GNA13: variants seen among roughly 807,000 people sequenced by gnomAD.
The protein encoded by GNA13 is guanine nucleotide-binding protein subunit alpha-13.
A neutral mutation model predicts 33.5 loss-of-function variants in GNA13; 4 were observed. That is an observed-to-expected ratio of 0.12 (90% CI 0.06 to 0.27). GNA13 has a LOEUF of 0.27. Among genes scored for constraint, GNA13 ranks in the 10% least tolerant of loss-of-function variants. The pLI is 1.00. For synonymous variants in GNA13, 176 were observed against 183.8 expected (o/e 0.96, Z 0.34); for missense variants, 319 against 487.2 (o/e 0.65, Z 3.25).
chr17:65,015,809 A>G (rs1483968371), intron 3 of GNA13, among the ~76,000 whole-genome samples: 1 of 151,960 alleles, frequency 6.6e-6, no homozygotes, highest in Non-Finnish European at 1.5e-5. Context: ...ATGACTTAAA[A>G]CTTCTATGTT....
At chr17:65,038,770 T>C (rs1907354564) in intron 2 of GNA13, among the ~76,000 whole-genome samples, 1 of 152,216 alleles carries the variant, frequency 6.6e-6, no homozygotes, top group Non-Finnish European at 1.5e-5. Flanking sequence ...CATCACAGCT[T>C]AGCCTAGCCT....
chr17:65,052,740 C>T (rs985831211), intron 2 of GNA13, among the ~76,000 whole-genome samples: 12 of 152,142 alleles, frequency 7.9e-5, no homozygotes, highest in Non-Finnish European at 1.0e-4. Flanking sequence ...TGGGTAGTCT[C>T]GTTAAAGAAA....
In GNA13 at chr17:65,022,401, TA is replaced by T. The variant is rs569105482; in HGVS notation, c.511-4099del. The stretch of plus-strand genomic sequence containing the variant: ...CACCAGTATTGCCACACCATGACAT[TA>T]AAAAAAAAAAAAAGGGAGTAAATAC... On this transcript the variant is annotated intron_variant, in intron 2 of 3. Coordinates refer to ENST00000439174, the MANE Select transcript of GNA13 (RefSeq NM_006572.6). Among the ~76,000 whole-genome samples the T allele has an allele frequency of 9.0e-3, 1,186 of 131,292 alleles. 3 individuals carry two copies. Among genetic ancestry groups the T allele is most frequent in the South Asian group, 0.033 (141 of 4,210 alleles). The allele number at this position is 131,292 out of a possible 152,430, so 86.1% of individuals were successfully genotyped here.
chr17:65,032,721 G>T (rs74966116), intron 2 of GNA13, among the ~76,000 whole-genome samples: 3,008 of 152,154 alleles, frequency 0.02, 94 homozygotes, highest in African/African-American at 0.069. Context: ...ATTTTGCTTG[G>T]TTGTCACACG....
chr17:65,050,764 A>G (rs1907832734), intron 2 of GNA13, among the ~76,000 whole-genome samples: 1 of 152,150 alleles, frequency 6.6e-6, no homozygotes, highest in Non-Finnish European at 1.5e-5. Flanking sequence ...AACAATGCTG[A>G]GCGTAGACTC....
intron 2 of GNA13, 142 bp downstream of exon 2, chr17:65,053,360 C>T: frequency 4.7e-6 from 3 of 633,962 alleles, no homozygotes; most frequent in East Asian, 5.3e-5. Context: ...TAGGTCTGTG[C>T]CTTAGCCTTT....
rs2143765559 is a variant in GNA13 at position 65,014,336 on chromosome 17, G to A, written c.1055C>T (p.Thr352Met). The A allele has an allele frequency of 6.2e-7, 1 of 1,613,664 alleles. No individual in the cohort carries two copies. ...LYHHFTTAIN[T>M]ENIRLVFRDV... ...ACGGAAAACAAGGCGGATGTTCTCC[G>A]TGTTGATAGCAGTGGTGAAGTGGTG... Residue 352 changes from threonine to methionine, a missense_variant, in exon 4 of 4, where the codon ACG becomes ATG. Thr to Met is a moderately conservative substitution (Grantham distance 81). Transcript: ENST00000439174. This position sits in a 1 kb window ranked among gnomAD's most constrained non-coding sequence, Gnocchi z 5.3.
chr17:65,039,909 T>A (rs929081967), intron 2 of GNA13, among the ~76,000 whole-genome samples: 1 of 152,316 alleles, frequency 6.6e-6, no homozygotes, highest in East Asian at 1.9e-4. Context: ...CCAGACCTGT[T>A]TCAGAATAAC....
Position 65,012,531 on chromosome 17 carries a change from T to C in GNA13, c.*1726A>G, listed in dbSNP as rs7342814. 1 of 219,130 alleles carries C rather than the reference T, an allele frequency of 4.6e-6. No homozygotes were observed. Among genetic ancestry groups the C allele is most frequent in the African/African-American group, 2.2e-5 (1 of 44,668 alleles). The allele number at this position is 219,130 out of a possible 1,614,324, so 13.6% of individuals were successfully genotyped here. A position where few individuals can be genotyped will look rare whatever the true frequency, so the allele number is the denominator to read the frequency against. ...TGCCGGGCTACGTATGTGTAGCTCA[T>C]GGATTACCATGGCATGAAAATGCTA... On this transcript the variant is annotated 3_prime_UTR_variant, in exon 4 of 4. Coordinates refer to ENST00000439174, the MANE Select transcript of GNA13 (RefSeq NM_006572.6).
intron 2 of GNA13, among the ~76,000 whole-genome samples, chr17:65,040,130 T>C (rs1007398330): frequency 6.6e-6 from 1 of 151,822 alleles, no homozygotes; most frequent in African/African-American, 2.4e-5. Flanking sequence ...CTGTGCAAAA[T>C]ACTGTACAAC....
intron 2 of GNA13, among the ~76,000 whole-genome samples, chr17:65,037,777 G>GA (rs145051963): frequency 0.014 from 1,165 of 82,070 alleles, 79 homozygotes; most frequent in Non-Finnish European, 0.019. Flanking sequence ...CTACAAAAAT[G>GA]GAAAAAAAAA....
At position 65,056,625 on chromosome 17, in the gene GNA13, C is replaced by A. The variant is rs1210621380; in HGVS notation, c.-32G>T. The A allele has an allele frequency of 1.3e-6, 2 of 1,578,650 alleles. No homozygotes were observed. The highest frequency in any genetic ancestry group is 1.7e-6 in the Non-Finnish European group (2 of 1,164,364). ...GCCGCCGCCGCCGCCTCGGCGGGCC[C>A]CTCCGGCTCCCTCCACCTCCTCCTC... On this transcript the variant is annotated 5_prime_UTR_variant, in exon 1 of 4. Coordinates refer to ENST00000439174, the MANE Select transcript of GNA13 (RefSeq NM_006572.6).
intron 2 of GNA13, among the ~76,000 whole-genome samples, chr17:65,046,980 A>G (rs1303234774): frequency 6.6e-6 from 1 of 152,258 alleles, no homozygotes; most frequent in East Asian, 1.9e-4. Flanking sequence ...AAATTTCAAC[A>G]TAATAGAATA....
At chr17:65,055,691 T>A in intron 1 of GNA13, 1 of 984,976 alleles carries the variant, frequency 1.0e-6, no homozygotes, top group South Asian at 4.7e-5. Flanking sequence ...AACCTGACAC[T>A]CCTCAAGTTT....
chr17:65,050,639 G>A (rs528062370), intron 2 of GNA13, among the ~76,000 whole-genome samples: 1 of 152,232 alleles, frequency 6.6e-6, no homozygotes, highest in African/African-American at 2.4e-5. Context: ...GACTGAAGCT[G>A]GAGAATCACT....
chr17:65,027,493 A>G (rs974397923), intron 2 of GNA13, among the ~76,000 whole-genome samples: 6 of 152,010 alleles, frequency 3.9e-5, no homozygotes, highest in Admixed American at 3.9e-4. Context: ...TTAAATTTCC[A>G]TAGTGGTTTT....
At chr17:65,028,261 C>G (rs1050919717) in intron 2 of GNA13, among the ~76,000 whole-genome samples, 7 of 151,670 alleles carry the variant, frequency 4.6e-5, no homozygotes, top group Non-Finnish European at 1.0e-4. Context: ...AAACATTAGG[C>G]GGGCATAGTG....
intron 2 of GNA13, among the ~76,000 whole-genome samples, chr17:65,033,667 G>T (rs886674379): frequency 1.6e-4 from 24 of 151,806 alleles, no homozygotes; most frequent in Admixed American, 1.6e-3. Flanking sequence ...CAGACTCCAA[G>T]TGAATACACA....
chr17:65,056,423 G>A lies in GNA13; in HGVS notation c.171C>T (p.Gly57=). ...TCAGGAAGGTGGACTTGCCGCTCTC[G>A]CCCGCGCCCAGCAGCAGGATCTTCA... ...RLVKILLLGA[G]ESGKSTFLKQ... Residue 57 remains glycine, a synonymous_variant, in exon 1 of 4, where the codon GGC becomes GGT. Coordinates refer to ENST00000439174, the MANE Select transcript of GNA13 (RefSeq NM_006572.6). 7 of 1,613,764 alleles carry A rather than the reference G, an allele frequency of 4.3e-6. No individual in the cohort carries two copies. The highest frequency in any genetic ancestry group is 1.1e-5 in the South Asian group (1 of 91,086).
Sources: gnomAD v4.1 joint callset for allele counts (sites outside exome capture counted in the v4.1 genomes callset) on GRCh38, gnomAD v4.1.1 for gene constraint, Gnocchi (gnomAD v3.1) non-coding constraint, MANE v1.5 for transcripts, NCBI Gene and HGNC (gene_info 2026-07-23, HGNC 2026-07-21) for gene names.